UNC5D: variants seen among roughly 807,000 people sequenced by gnomAD.
UNC5D encodes unc-5 netrin receptor D, also known as netrin receptor UNC5D.
A neutral mutation model predicts 105.4 loss-of-function variants in UNC5D; 39 were observed. The observed-to-expected ratio is 0.37, with a 90% CI of 0.29 to 0.48. The LOEUF (loss-of-function observed/expected upper bound fraction) is 0.48, where lower values mean the gene tolerates loss of function less well. Ranked by LOEUF, UNC5D falls within the 20% of genes least tolerant of loss-of-function variation. The pLI is 0.98. For missense variants in UNC5D, 991 were observed against 1,202.4 expected (o/e 0.82, Z 2.60); for synonymous variants, 452 against 450.4 (o/e 1.00, Z -0.04).
chr8:35,351,979 A>G (rs550143304), intron 1 of UNC5D, among the ~76,000 whole-genome samples: 1 of 152,244 alleles, frequency 6.6e-6, no homozygotes, highest in South Asian at 2.1e-4. Context: ...AAATCTCTTG[A>G]AAGTGATTCA....
rs115125127 is a variant in UNC5D at position 35,586,332 on chromosome 8, T to C, written c.467-9222T>C. ...CAAGGTAGAGGGTTTAAGCCACGCTTGCGGGAGGAGCGCAGATAATGTGCC... is the reference window on the plus strand; with the variant it reads ...CAAGGTAGAGGGTTTAAGCCACGCTCGCGGGAGGAGCGCAGATAATGTGCC... On this transcript the variant is annotated intron_variant, in intron 3 of 16. Transcript: ENST00000404895. 5.9e-3 allele frequency among the ~76,000 whole-genome samples: 895 copies of C among 152,308 alleles called. 8 individuals carry two copies. Among genetic ancestry groups the C allele is most frequent in the African/African-American group, 0.02 (840 of 41,562 alleles).
chr8:35,346,227 C>T (rs930157393), intron 1 of UNC5D, among the ~76,000 whole-genome samples: 2 of 151,864 alleles, frequency 1.3e-5, no homozygotes, highest in African/African-American at 4.8e-5. Context: ...TGGAAACAAT[C>T]GATTTTCTTT....
chr8:35,729,759 T>C (rs1829088353), intron 10 of UNC5D, among the ~76,000 whole-genome samples: 2 of 152,290 alleles, frequency 1.3e-5, no homozygotes, highest in East Asian at 1.9e-4. Context: ...GTGGCAATTA[T>C]AGTTCTACTA....
chr8:35,688,684 A>G (rs1355351080), intron 7 of UNC5D, among the ~76,000 whole-genome samples: 1 of 152,220 alleles, frequency 6.6e-6, no homozygotes, highest in Admixed American at 6.5e-5. Flanking sequence ...CACAAGCTCA[A>G]TAGAAGGATA....
At chr8:35,499,936 T>A (rs1266676135) in intron 1 of UNC5D, among the ~76,000 whole-genome samples, 1 of 152,210 alleles carries the variant, frequency 6.6e-6, no homozygotes, top group Non-Finnish European at 1.5e-5. Flanking sequence ...ATGCAAAATA[T>A]CTGACACTCT....
chr8:35,297,263 G>C (rs1425480647), intron 1 of UNC5D, among the ~76,000 whole-genome samples: 1 of 152,056 alleles, frequency 6.6e-6, no homozygotes, highest in African/African-American at 2.4e-5. Flanking sequence ...GTCACACAAA[G>C]AATTCTTGGT....
At chr8:35,406,563 G>C (rs1353676166) in intron 1 of UNC5D, among the ~76,000 whole-genome samples, 2 of 152,172 alleles carry the variant, frequency 1.3e-5, no homozygotes, top group Non-Finnish European at 2.9e-5. Context: ...AAGAGTGAAA[G>C]ACAGTACCAG....
intron 1 of UNC5D, among the ~76,000 whole-genome samples, chr8:35,256,814 C>T (rs78898121): frequency 0.015 from 2,280 of 151,820 alleles, 62 homozygotes; most frequent in African/African-American, 0.053. Flanking sequence ...TATAATATGC[C>T]TTTTAGACCC....
At chr8:35,532,199 C>T (rs1295613573) in intron 1 of UNC5D, among the ~76,000 whole-genome samples, 3 of 149,850 alleles carry the variant, frequency 2.0e-5, no homozygotes, top group South Asian at 4.3e-4. Context: ...TGTTCCTTTC[C>T]ATGTTTAGCG....
chr8:35,319,925 T>G (rs1281114566), intron 1 of UNC5D, among the ~76,000 whole-genome samples: 1 of 152,108 alleles, frequency 6.6e-6, no homozygotes, highest in Non-Finnish European at 1.5e-5. Flanking sequence ...AAGAATCACC[T>G]CTTGAAGCCT....
At chr8:35,359,018 G>A (rs949263851) in intron 1 of UNC5D, among the ~76,000 whole-genome samples, 3 of 152,074 alleles carry the variant, frequency 2.0e-5, no homozygotes, top group African/African-American at 7.2e-5. Context: ...AGGCCTGGTG[G>A]CTCACACCTG....
chr8:35,519,636 A>T (rs1354122879), intron 1 of UNC5D, among the ~76,000 whole-genome samples: 3 of 152,176 alleles, frequency 2.0e-5, no homozygotes, highest in African/African-American at 7.2e-5. Context: ...CAAAGTAAAC[A>T]ACCTAAATAT....
At chr8:35,615,838 A>G (rs1586258092) in intron 4 of UNC5D, among the ~76,000 whole-genome samples, 1 of 152,200 alleles carries the variant, frequency 6.6e-6, no homozygotes, top group East Asian at 1.9e-4. Flanking sequence ...TATGTGACTC[A>G]GAGGATGAAT....
chr8:35,396,540 C>G (rs1804113253), intron 1 of UNC5D, among the ~76,000 whole-genome samples: 1 of 152,024 alleles, frequency 6.6e-6, no homozygotes, highest in South Asian at 2.1e-4. Flanking sequence ...CTCGGTCTCC[C>G]AGGCTGGAAT....
intron 4 of UNC5D, among the ~76,000 whole-genome samples, chr8:35,658,756 A>G (rs1823933052): frequency 6.9e-6 from 1 of 145,936 alleles, no homozygotes; most frequent in African/African-American, 2.6e-5. Context: ...GGTTCACGCC[A>G]TTCTCCCACC....
In UNC5D at chr8:35,584,600, T is replaced by A. The variant is rs193290885; in HGVS notation, c.467-10954T>A. Among the ~76,000 whole-genome samples the A allele has an allele frequency of 4.6e-5, 7 of 150,554 alleles. No individual in the cohort carries two copies. The East Asian group carries it at 1.4e-3, about 29-fold the overall frequency. ...TATTTTGTTGTTGTTGTTGTTGTTTTCCTGGTTTTGTTTGTTTGTTTGTTT... is the reference window on the plus strand; with the variant it reads ...TATTTTGTTGTTGTTGTTGTTGTTTACCTGGTTTTGTTTGTTTGTTTGTTT... On this transcript the variant is annotated intron_variant, in intron 3 of 16. Coordinates refer to ENST00000404895, the MANE Select transcript of UNC5D (RefSeq NM_080872.4).
At chr8:35,248,590 A>C (rs1171711295) in intron 1 of UNC5D, among the ~76,000 whole-genome samples, 1 of 87,894 alleles carries the variant, frequency 1.1e-5, no homozygotes, top group African/African-American at 4.8e-5. Flanking sequence ...ATAATATATA[A>C]ATATATGTTA....
intron 4 of UNC5D, among the ~76,000 whole-genome samples, chr8:35,629,657 C>A (rs988793066): frequency 6.6e-6 from 1 of 152,068 alleles, no homozygotes; most frequent in African/African-American, 2.4e-5. Flanking sequence ...AATATACCCA[C>A]GTAACAATCA....
chr8:35,745,379 C>A (rs1379433668), intron 11 of UNC5D, among the ~76,000 whole-genome samples: 8 of 152,130 alleles, frequency 5.3e-5, no homozygotes, highest in Non-Finnish European at 1.2e-4. Flanking sequence ...GAGATGAGAA[C>A]ACACTGGCAT....
Sources: gnomAD v4.1 joint callset for allele counts (sites outside exome capture counted in the v4.1 genomes callset) on GRCh38, gnomAD v4.1.1 for gene constraint, MANE v1.5 for transcripts, NCBI Gene and HGNC (gene_info 2026-07-23, HGNC 2026-07-21) for gene names.